The following MARK2 variants were observed in gnomAD, a reference collection of about 807,000 sequenced individuals.
MARK2 encodes the protein serine/threonine-protein kinase MARK2.
Under a neutral mutation model 89.8 loss-of-function variants are expected in MARK2, and 16 were observed. The observed-to-expected ratio is 0.18, with a 90% CI of 0.12 to 0.27. MARK2 has a LOEUF of 0.27. Among genes scored for constraint, MARK2 ranks in the 10% least tolerant of loss-of-function variants. The pLI is 1.00. For synonymous variants in MARK2, 382 were observed against 399.5 expected (o/e 0.96, Z 0.52); for missense variants, 621 against 1,049.9 (o/e 0.59, Z 5.65).
chr11:63,901,114 T>C, intron 11 of MARK2, 45 bp downstream of exon 11: 1 of 1,281,530 alleles, frequency 7.8e-7, no homozygotes, highest in Non-Finnish European at 1.1e-6. Context: ...AGCCTCACTG[T>C]CTGTAGCACC....
chr11:63,877,265 C>T (rs1028395826), intron 1 of MARK2, among the ~76,000 whole-genome samples: 1 of 151,704 alleles, frequency 6.6e-6, no homozygotes, highest in Non-Finnish European at 1.5e-5. Flanking sequence ...TGCCCACCAC[C>T]ACGCCTGGCT....
intron 1 of MARK2, among the ~76,000 whole-genome samples, chr11:63,883,305 G>A (rs1939209052): frequency 6.6e-6 from 1 of 152,204 alleles, no homozygotes; most frequent in East Asian, 1.9e-4. Flanking sequence ...ATGGTTTTAT[G>A]TTAGGAAAGA....
Position 63,910,748 on chromosome 11 carries a change from G to T in MARK2, c.*1511G>T, listed in dbSNP as rs1270321027. The T allele has an allele frequency of 6.6e-6, 1 of 150,912 alleles. No individual in the cohort carries two copies. The highest frequency in any genetic ancestry group is 2.4e-5 in the African/African-American group (1 of 41,110). 9.3% of individuals were successfully genotyped at this position (150,912 alleles called of 1,614,324 possible). ...ATTAAGCCGAGCCCTTGCGTCCTAG[G>T]AAGGGGCCTTGCCAACCTCAGCCCT... is the stretch of plus-strand genomic sequence containing the variant. On this transcript the variant is annotated 3_prime_UTR_variant, in exon 19 of 19. Transcript: ENST00000402010.
Position 63,900,703 on chromosome 11 carries a change from G to A in MARK2, c.888+25G>A. ...GGTGAGCAGTGGAGCCCAACTGGCGGAAGGGCCTGGGGTCCCCACAGAAAC... is the reference window on the plus strand; with the variant it reads ...GGTGAGCAGTGGAGCCCAACTGGCGAAAGGGCCTGGGGTCCCCACAGAAAC... On this transcript the variant is annotated intron_variant, in intron 9 of 18. Coordinates refer to ENST00000402010, the MANE Select transcript of MARK2 (RefSeq NM_001039469.3). This position sits in a 1 kb window ranked among gnomAD's most constrained non-coding sequence, Gnocchi z 4.7. The A allele has an allele frequency of 6.2e-7, 1 of 1,613,884 alleles. No homozygotes were observed. The highest frequency in any genetic ancestry group is 8.5e-7 in the Non-Finnish European group (1 of 1,179,742).
At chr11:63,858,268 G>A (rs1033699200) in intron 1 of MARK2, among the ~76,000 whole-genome samples, 4 of 151,472 alleles carry the variant, frequency 2.6e-5, no homozygotes, top group Non-Finnish European at 5.9e-5. Context: ...TGCCTGCCTC[G>A]GCCTCCCAAA....
chr11:63,895,484 T>A, intron 2 of MARK2, 96 bp from the exon 3 acceptor site: 9 of 1,442,414 alleles, frequency 6.2e-6, no homozygotes, highest in Non-Finnish European at 8.8e-6. Context: ...AGCTGTGGGA[T>A]GAAAAGGAGT....
At chr11:63,887,852 C>T (rs543073625) in intron 1 of MARK2, among the ~76,000 whole-genome samples, 4 of 152,226 alleles carry the variant, frequency 2.6e-5, no homozygotes, top group Admixed American at 1.3e-4. Context: ...CTTGAGAAAG[C>T]AGTGTTGTTT....
At chr11:63,889,005 C>G (rs1031697213) in intron 1 of MARK2, 9 of 1,317,172 alleles carry the variant, frequency 6.8e-6, no homozygotes, top group Non-Finnish European at 9.1e-6. Flanking sequence ...GCCTCCTCCT[C>G]TTTCTTTCCT....
chr11:63,909,395 T>G lies in MARK2; in HGVS notation c.*158T>G. On this transcript the variant is annotated 3_prime_UTR_variant, in exon 19 of 19. Transcript: ENST00000402010. ...CCCTTCTCAGTTTTCTCTTACATGT[T>G]TGTGGGGGGTGGGAGATTGTTCTCC... 11 of 712,344 alleles carry G rather than the reference T, an allele frequency of 1.5e-5. No individual in the cohort carries two copies. The highest frequency in any genetic ancestry group is 6.2e-5 in the East Asian group (2 of 32,248). The allele number at this position is 712,344 out of a possible 1,614,324, so 44.1% of individuals were successfully genotyped here.
chr11:63,886,521 C>G lies in MARK2; in HGVS notation c.55-8638C>G, dbSNP rs1939407157. Reference sequence around the variant, plus strand: ...CTCACTGCAACCTCCACCTCCCAGGCTCAAGCAGTTCTCATGCCTCAGCCT... The same window carrying G: ...CTCACTGCAACCTCCACCTCCCAGGGTCAAGCAGTTCTCATGCCTCAGCCT... On this transcript the variant is annotated intron_variant, in intron 1 of 18. Transcript: ENST00000402010. 2.0e-5 allele frequency among the ~76,000 whole-genome samples: 3 copies of G among 152,146 alleles called. No individual in the cohort carries two copies. The South Asian group carries it at 6.2e-4, about 32-fold the overall frequency.
intron 1 of MARK2, among the ~76,000 whole-genome samples, chr11:63,892,904 A>ATTT (rs896527484): frequency 4.0e-4 from 46 of 114,690 alleles, no homozygotes; most frequent in East Asian, 1.7e-3. Context: ...TGATTTCTTA[A>ATTT]TTTTTTTTTT....
At chr11:63,895,423 A>T (rs944792825) in intron 2 of MARK2, 85 bp downstream of exon 2, 29 of 1,492,806 alleles carry the variant, frequency 1.9e-5, no homozygotes, top group Non-Finnish European at 2.0e-5. Context: ...TACTGCAGCC[A>T]ACCTCTTGTT....
chr11:63,863,238 T>C (rs1176517135), intron 1 of MARK2, among the ~76,000 whole-genome samples: 1 of 152,204 alleles, frequency 6.6e-6, no homozygotes, highest in East Asian at 1.9e-4. Context: ...GCTGTGCACA[T>C]GGCTAGCTAT....
chr11:63,882,134 G>A (rs1474697240), intron 1 of MARK2, among the ~76,000 whole-genome samples: 3 of 152,058 alleles, frequency 2.0e-5, no homozygotes, highest in Non-Finnish European at 4.4e-5. Flanking sequence ...TTTCCTTTTA[G>A]TATGTGTAGA....
intron 1 of MARK2, among the ~76,000 whole-genome samples, chr11:63,885,460 G>A (rs1246298382): frequency 6.6e-6 from 1 of 152,050 alleles, no homozygotes; most frequent in African/African-American, 2.4e-5. Flanking sequence ...GATGGATTGA[G>A]CCCAGGAGGC....
chr11:63,842,501 G>A (rs141532256), intron 1 of MARK2, among the ~76,000 whole-genome samples: 441 of 152,118 alleles, frequency 2.9e-3, no homozygotes, highest in African/African-American at 0.01. Flanking sequence ...CCACTGCGCC[G>A]GGCCTGATTC....
intron 1 of MARK2, among the ~76,000 whole-genome samples, chr11:63,856,678 C>G (rs2016867438): frequency 6.6e-6 from 1 of 151,550 alleles, no homozygotes; most frequent in African/African-American, 2.4e-5. Flanking sequence ...CAACCTCGGC[C>G]TCCCAAAGAG....
In MARK2 at chr11:63,904,997, G is replaced by A; in HGVS notation, c.1888G>A (p.Ala630Thr). 1 of 1,614,168 alleles carries A rather than the reference G, an allele frequency of 6.2e-7. No individual in the cohort carries two copies. Among genetic ancestry groups the A allele is most frequent in the Non-Finnish European group, 8.5e-7 (1 of 1,180,018 alleles). Residue 630 changes from alanine (A) to threonine (T), a missense_variant, in exon 16 of 19, where the codon GCC (alanine) becomes ACC (threonine). This residue lies in a region of MARK2 where 397 missense variants were observed against 567.8 expected (regional missense o/e 0.70). Transcript: ENST00000402010. The surrounding 1 kb of genome is among the most constrained non-coding windows in gnomAD (Gnocchi z 6.3). ...TGGCCACAGCCAGGGCCGGCGGGGG[G>A]CCTCTGGGAGCATCTTCAGCAAGTT... ...PSGHSQGRRG[A>T]SGSIFSKFTS...
At chr11:63,869,644 A>G (rs923247) in intron 1 of MARK2, among the ~76,000 whole-genome samples, 70,732 of 151,990 alleles carry the variant, frequency 0.47, 19,354 homozygotes, top group East Asian at 0.88. Flanking sequence ...GAGGTGTGCT[A>G]CTGCTTAGTA....
Sources: gnomAD v4.1 joint callset for allele counts (sites outside exome capture counted in the v4.1 genomes callset) on GRCh38, gnomAD v4.1.1 for gene constraint, gnomAD v4.1.1 regional missense constraint, Gnocchi (gnomAD v3.1) non-coding constraint, MANE v1.5 for transcripts, NCBI Gene and HGNC (gene_info 2026-07-23, HGNC 2026-07-21) for gene names.